The following GPC6 variants were observed in gnomAD, a reference collection of about 807,000 sequenced individuals.
The protein encoded by GPC6 is glypican-6.
In GPC6, 14 loss-of-function variants were observed where a neutral mutation model predicts 55.2. The ratio of observed to expected loss-of-function variants is 0.25; its 90% CI spans 0.17 to 0.40. GPC6 has a LOEUF of 0.40. Ranked by LOEUF, GPC6 falls within the 10% of genes least tolerant of loss-of-function variation. The pLI, the probability that GPC6 is intolerant of heterozygous loss-of-function variation, is 1.00. For missense variants in GPC6, 641 were observed against 708.5 expected (o/e 0.90, Z 1.08); for synonymous variants, 278 against 259.6 (o/e 1.07, Z -0.68).
intron 4 of GPC6, among the ~76,000 whole-genome samples, chr13:94,052,322 A>C (rs1182195999): frequency 6.6e-6 from 1 of 152,198 alleles, no homozygotes; most frequent in Non-Finnish European, 1.5e-5. Flanking sequence ...TGGTGCAATG[A>C]AGGTACTTTG....
intron 4 of GPC6, among the ~76,000 whole-genome samples, chr13:94,099,571 A>G (rs963659629): frequency 4.6e-5 from 7 of 152,184 alleles, no homozygotes; most frequent in African/African-American, 1.7e-4. Context: ...TGCTGCGCCA[A>G]TTTGAAACTA....
intron 3 of GPC6, among the ~76,000 whole-genome samples, chr13:93,936,926 A>G (rs909576429): frequency 6.6e-6 from 1 of 152,208 alleles, no homozygotes; most frequent in Non-Finnish European, 1.5e-5. Context: ...GAAACCCATC[A>G]GATATTTTGT....
intron 3 of GPC6, among the ~76,000 whole-genome samples, chr13:94,010,814 T>C (rs893110349): frequency 2.4e-4 from 36 of 152,296 alleles, no homozygotes; most frequent in Non-Finnish European, 3.2e-4. Context: ...TCTTTTTAAA[T>C]GCAGAAATTA....
intron 1 of GPC6, among the ~76,000 whole-genome samples, chr13:93,356,975 A>G (rs2139172004): frequency 6.6e-6 from 1 of 152,324 alleles, no homozygotes; most frequent in South Asian, 2.1e-4. Context: ...TGAATCCTCT[A>G]TAGAGGCTTC....
rs377056284 is a variant in GPC6 at position 93,632,636 on chromosome 13, T to TATAA, written c.319+87216_319+87217insTAAA. Among the ~76,000 whole-genome samples, 683 of 128,242 alleles carry TATAA rather than the reference T, an allele frequency of 5.3e-3. 3 individuals carry two copies. The highest frequency in any genetic ancestry group is 0.026 in the Middle Eastern group (6 of 234). 84.1% of individuals were successfully genotyped at this position (128,242 alleles called of 152,430 possible). A position where few individuals can be genotyped will look rare whatever the true frequency, so the allele number is the denominator to read the frequency against. ...ATATATGTATATATATATATATATA[T>TATAA]AATAAAATAAAAACTGTTTTCCAAA... is the stretch of plus-strand genomic sequence containing the variant. On this transcript the variant is annotated intron_variant, in intron 2 of 8. Transcript: ENST00000377047.
chr13:94,112,202 G>A (rs1489955213), intron 4 of GPC6, among the ~76,000 whole-genome samples: 2 of 152,022 alleles, frequency 1.3e-5, no homozygotes, highest in African/African-American at 4.8e-5. Flanking sequence ...AATAACTTTG[G>A]TAAATAACTC....
chr13:94,338,221 A>C (rs1462224647), intron 6 of GPC6, among the ~76,000 whole-genome samples: 1 of 152,202 alleles, frequency 6.6e-6, no homozygotes, highest in Non-Finnish European at 1.5e-5. Context: ...AATTCCTAGT[A>C]ATCTCCAGGG....
intron 4 of GPC6, among the ~76,000 whole-genome samples, chr13:94,215,231 C>T (rs1169755873): frequency 1.3e-5 from 2 of 152,082 alleles, no homozygotes; most frequent in Non-Finnish European, 2.9e-5. Flanking sequence ...AGTTCCACTC[C>T]CAGCTTCTAA....
intron 4 of GPC6, among the ~76,000 whole-genome samples, chr13:94,086,066 CT>C (rs1328068448): frequency 6.6e-6 from 1 of 151,290 alleles, no homozygotes; most frequent in Non-Finnish European, 1.5e-5. Flanking sequence ...TGATTTTATT[CT>C]TTTTTTGTTT....
intron 7 of GPC6, among the ~76,000 whole-genome samples, chr13:94,398,206 A>C (rs1204160834): frequency 6.6e-6 from 1 of 151,646 alleles, no homozygotes; most frequent in Non-Finnish European, 1.5e-5. Flanking sequence ...ATTTATCTGT[A>C]GGCAGACCTA....
chr13:94,272,886 A>G (rs1204662947), intron 4 of GPC6, among the ~76,000 whole-genome samples: 1 of 152,026 alleles, frequency 6.6e-6, no homozygotes, highest in Non-Finnish European at 1.5e-5. Flanking sequence ...TCTGCCACAC[A>G]TGCCCAGCCA....
chr13:94,178,595 A>C (rs1340832761), intron 4 of GPC6, among the ~76,000 whole-genome samples: 1 of 152,194 alleles, frequency 6.6e-6, no homozygotes, highest in Non-Finnish European at 1.5e-5. Context: ...AACTTTTCAC[A>C]TTTCCTTTAA....
chr13:93,803,770 A>T (rs573121094), intron 2 of GPC6, among the ~76,000 whole-genome samples: 1 of 152,284 alleles, frequency 6.6e-6, no homozygotes, highest in African/African-American at 2.4e-5. Flanking sequence ...TGAAATACTG[A>T]TACATGCTGC....
chr13:93,859,404 A>G (rs974097399), intron 3 of GPC6, among the ~76,000 whole-genome samples: 2 of 151,660 alleles, frequency 1.3e-5, no homozygotes, highest in Non-Finnish European at 3.0e-5. Flanking sequence ...CTGCTTTATT[A>G]CCAAGAAATG....
chr13:93,763,633 T>A (rs767824986), intron 2 of GPC6, among the ~76,000 whole-genome samples: 89 of 152,246 alleles, frequency 5.8e-4, no homozygotes, highest in Non-Finnish European at 2.4e-4. Flanking sequence ...CAAACTCCCA[T>A]GATTTATCAT....
At chr13:93,356,317 G>C (rs940223427) in intron 1 of GPC6, among the ~76,000 whole-genome samples, 1 of 152,140 alleles carries the variant, frequency 6.6e-6, no homozygotes, top group East Asian at 1.9e-4. Context: ...AGTAGAGCAA[G>C]AGTTCAAGAT....
intron 2 of GPC6, among the ~76,000 whole-genome samples, chr13:93,717,177 A>G (rs573902323): frequency 6.6e-6 from 1 of 151,804 alleles, no homozygotes; most frequent in South Asian, 2.1e-4. Flanking sequence ...CAAAAAGTTG[A>G]ATGCTTAAGA....
At chr13:93,928,787 G>T (rs1877992695) in intron 3 of GPC6, among the ~76,000 whole-genome samples, 1 of 150,024 alleles carries the variant, frequency 6.7e-6, no homozygotes, top group African/African-American at 2.5e-5. Context: ...TTTGCCTCTG[G>T]CTGTTTCAAA....
chr13:94,286,021 G>C (rs1566634184), intron 4 of GPC6, among the ~76,000 whole-genome samples: 2 of 152,288 alleles, frequency 1.3e-5, no homozygotes, highest in Non-Finnish European at 2.9e-5. Context: ...AGATGGGTGA[G>C]ACTTCCTTTT....
Sources: allele counts gnomAD v4.1 joint callset (sites outside exome capture counted in the v4.1 genomes callset), GRCh38; gene constraint gnomAD v4.1.1; transcripts MANE v1.5; gene names NCBI Gene and HGNC (gene_info 2026-07-23, HGNC 2026-07-21).